The following BCL2L11 variants were observed in gnomAD, a reference collection of about 807,000 sequenced individuals.
BCL2L11 encodes bcl-2-like protein 11.
In BCL2L11, 15 loss-of-function variants were observed where a neutral mutation model predicts 20.6. The observed-to-expected ratio is 0.73, with a 90% CI of 0.49 to 1.12. The LOEUF (loss-of-function observed/expected upper bound fraction) is 1.12. Ranked by LOEUF, BCL2L11 falls within the 50% of genes most tolerant of loss-of-function variation. BCL2L11 has a pLI of 0.00. For synonymous variants in BCL2L11, 108 were observed against 92.8 expected, an observed-to-expected ratio of 1.16 and a Z score of -0.94; for missense variants, 292 against 260.9, an observed-to-expected ratio of 1.12 and a Z score of -0.82.
chr2:111,144,506 A>G, intron 2 of BCL2L11: 1 of 1,550,624 alleles, frequency 6.4e-7, no homozygotes, highest in South Asian at 1.2e-5. Context: ...GACTAGAAAC[A>G]GCTCCATCAC....
At position 111,146,508 on chromosome 2, in the gene BCL2L11, C is replaced by T. The variant is rs550977126; in HGVS notation, c.395-3536C>T. On this transcript the variant is annotated intron_variant, in intron 2 of 3. Transcript: ENST00000393256. ...GGAGATTTCTGTATGCCAAACCCCA[C>T]GGGCTCCAGGCACGCTTTTGGAAGA... Among the ~76,000 whole-genome samples the T allele has an allele frequency of 7.2e-4, 110 of 152,266 alleles. 3 individuals carry two copies. The highest frequency in any genetic ancestry group is 2.4e-4 in the Non-Finnish European group (16 of 68,026).
chr2:111,133,229 G>C (rs1042885891), intron 2 of BCL2L11, among the ~76,000 whole-genome samples: 18 of 152,194 alleles, frequency 1.2e-4, no homozygotes, highest in African/African-American at 3.9e-4. Context: ...TCTTCAATTA[G>C]AATGGCAGCC....
rs980077968 is a variant in BCL2L11 at position 111,166,511 on chromosome 2, A to G, written c.*2280A>G. 6.5e-6 allele frequency: 1 copy of G among 152,704 alleles called. No individual in the cohort carries two copies. Among genetic ancestry groups the G allele is most frequent in the African/African-American group, 2.4e-5 (1 of 41,468 alleles). The allele number at this position is 152,704 out of a possible 1,614,324, so 9.5% of individuals were successfully genotyped here. ...GTACTGTATGTATCTGGTTATCAAG[A>G]TGCCTCTGTGCAGAAAGTATGCCTC... On this transcript the variant is annotated 3_prime_UTR_variant, in exon 4 of 4. Coordinates refer to ENST00000393256, the MANE Select transcript of BCL2L11 (RefSeq NM_138621.5).
At chr2:111,122,494 A>T (rs1373872316) in intron 1 of BCL2L11, among the ~76,000 whole-genome samples, 1 of 152,104 alleles carries the variant, frequency 6.6e-6, no homozygotes, top group Non-Finnish European at 1.5e-5. Flanking sequence ...CCTGACCCGT[A>T]GGCGCCGCCC....
rs548449700 is a variant in BCL2L11, at chr2:111,150,991, G to A, written c.498+844G>A. On this transcript the variant is annotated intron_variant, in intron 3 of 3. Coordinates refer to ENST00000393256, the MANE Select transcript of BCL2L11 (RefSeq NM_138621.5). ...GCAATCCCAGCTCACTGCAACCTCC[G>A]CCTCCCAGGTTCAAGTGATTCTCCT... is the stretch of plus-strand genomic sequence containing the variant. Among the ~76,000 whole-genome samples, 3 of 152,188 alleles carry A rather than the reference G, an allele frequency of 2.0e-5. No individual in the cohort carries two copies. In the East Asian group the frequency reaches 5.8e-4, roughly 29 times the overall value.
intron 3 of BCL2L11, among the ~76,000 whole-genome samples, chr2:111,161,972 T>C (rs1266698453): frequency 2.0e-5 from 3 of 152,206 alleles, no homozygotes; most frequent in Non-Finnish European, 4.4e-5. Context: ...TTCTGCGTCT[T>C]TGCCCCACTG....
chr2:111,123,372 C>G, intron 1 of BCL2L11: 2 of 985,486 alleles, frequency 2.0e-6, no homozygotes, highest in Non-Finnish European at 2.4e-6. Context: ...CTACCTAACC[C>G]CGGGAAGTCA....
intron 3 of BCL2L11, among the ~76,000 whole-genome samples, chr2:111,162,411 A>G (rs1049657006): frequency 6.6e-6 from 1 of 152,216 alleles, no homozygotes; most frequent in African/African-American, 2.4e-5. Flanking sequence ...ACCCTCTCCA[A>G]CATGTCTTTG....
At chr2:111,129,300 G>T (rs951667171) in intron 2 of BCL2L11, among the ~76,000 whole-genome samples, 3 of 152,150 alleles carry the variant, frequency 2.0e-5, no homozygotes, top group Admixed American at 6.5e-5. Context: ...AAAGTTACTT[G>T]TTTGACACCA....
At chr2:111,128,508 G>A in intron 2 of BCL2L11, 1 of 1,286,592 alleles carries the variant, frequency 7.8e-7, no homozygotes, top group East Asian at 3.0e-5. Context: ...TAATTTTTTG[G>A]GGAACCATCA....
At chr2:111,126,079 T>TA (rs2072526601) in intron 2 of BCL2L11, among the ~76,000 whole-genome samples, 1 of 152,184 alleles carries the variant, frequency 6.6e-6, no homozygotes, top group South Asian at 2.1e-4. Flanking sequence ...CTATTTTCTC[T>TA]AACCAGTTCC....
At chr2:111,147,904 C>T (rs1233427565) in intron 2 of BCL2L11, among the ~76,000 whole-genome samples, 17 of 152,268 alleles carry the variant, frequency 1.1e-4, no homozygotes, top group African/African-American at 2.6e-4. Flanking sequence ...AGGTAAGCCC[C>T]GTGGGAGCAG....
intron 2 of BCL2L11, among the ~76,000 whole-genome samples, chr2:111,145,644 T>C (rs1157390443): frequency 6.6e-6 from 1 of 152,220 alleles, no homozygotes; most frequent in East Asian, 1.9e-4. Flanking sequence ...CTTAAGACTT[T>C]AAAAATAGTC....
At chr2:111,143,728 A>AG (rs1476622254) in intron 2 of BCL2L11, among the ~76,000 whole-genome samples, 1 of 152,160 alleles carries the variant, frequency 6.6e-6, no homozygotes, top group Non-Finnish European at 1.5e-5. Context: ...CCTTGAGTAT[A>AG]GGGATCACAG....
At chr2:111,142,582 A>T (rs1172275243) in intron 2 of BCL2L11, among the ~76,000 whole-genome samples, 5 of 152,100 alleles carry the variant, frequency 3.3e-5, no homozygotes, top group Admixed American at 2.6e-4. Context: ...GGCTTTTTCC[A>T]TTTTTATTTT....
chr2:111,145,277 G>T (rs1193393325), intron 2 of BCL2L11, among the ~76,000 whole-genome samples: 1 of 152,142 alleles, frequency 6.6e-6, no homozygotes, highest in Non-Finnish European at 1.5e-5. Flanking sequence ...TGTGTGACAT[G>T]CCCCTGCCAC....
At chr2:111,151,773 G>A (rs2077284631) in intron 3 of BCL2L11, 1 of 1,397,878 alleles carries the variant, frequency 7.2e-7, no homozygotes, top group East Asian at 2.5e-5. Context: ...TGTAAAATGG[G>A]AAGTGTGACA....
At chr2:111,148,503 A>G (rs1236949525) in intron 2 of BCL2L11, among the ~76,000 whole-genome samples, 2 of 152,230 alleles carry the variant, frequency 1.3e-5, no homozygotes, top group Non-Finnish European at 2.9e-5. Context: ...AATTAATTTT[A>G]AGACTTTTTA....
intron 2 of BCL2L11, among the ~76,000 whole-genome samples, chr2:111,140,427 A>G (rs745468565): frequency 1.3e-5 from 2 of 152,140 alleles, no homozygotes; most frequent in African/African-American, 2.4e-5. Flanking sequence ...ACATTTTACT[A>G]TTAGCAGTTT....
Sources: allele counts gnomAD v4.1 joint callset (sites outside exome capture counted in the v4.1 genomes callset), GRCh38; gene constraint gnomAD v4.1.1; transcripts MANE v1.5; gene names NCBI Gene and HGNC (gene_info 2026-07-23, HGNC 2026-07-21).